The following COL5A2 variants were observed in gnomAD, a reference collection of about 807,000 sequenced individuals.
COL5A2 encodes the protein collagen alpha-2(V) chain.
Under a neutral mutation model 208.2 loss-of-function variants are expected in COL5A2, and 23 were observed. That is an observed-to-expected ratio of 0.11 (90% CI 0.08 to 0.16). The LOEUF is 0.16. Among genes scored for constraint, COL5A2 ranks in the 10% least tolerant of loss-of-function variants. The pLI, the probability that COL5A2 is intolerant of heterozygous loss-of-function variation, is 1.00. For missense variants in COL5A2, 1,590 were observed against 1,956.4 expected (o/e 0.81, Z 3.53); for synonymous variants, 625 against 628.5 (o/e 0.99, Z 0.08).
chr2:189,421,579 ACACAGGGACCAC>A, the COL5A2 span, among the ~76,000 whole-genome samples: 1 of 152,098 alleles, frequency 6.6e-6, no homozygotes, highest in East Asian at 1.9e-4. Context: ...ATGGACACTA[ACACAGGGACCAC>A]CACAGTAAAA....
At chr2:189,088,648 A>G (rs752943958) in intron 8 of COL5A2, 47 bp downstream of exon 8, 1 of 1,424,620 alleles carries the variant, frequency 7.0e-7, no homozygotes, top group South Asian at 1.1e-5. Flanking sequence ...TTTTAAAATA[A>G]TTTTTTTCAC....
intron 1 of COL5A2, among the ~76,000 whole-genome samples, chr2:189,151,670 T>C (rs1688145177): frequency 6.6e-6 from 1 of 152,146 alleles, no homozygotes; most frequent in Admixed American, 6.6e-5. Flanking sequence ...CATCTGTAAC[T>C]CTTTTTCTTA....
intron 1 of COL5A2, among the ~76,000 whole-genome samples, chr2:189,146,761 A>C (rs1453117441): frequency 6.6e-6 from 1 of 152,142 alleles, no homozygotes; most frequent in Non-Finnish European, 1.5e-5. Flanking sequence ...ATGAATCATA[A>C]AAACAAGCCA....
the COL5A2 span, among the ~76,000 whole-genome samples, chr2:189,260,140 T>TA: frequency 6.6e-6 from 1 of 152,220 alleles, no homozygotes; most frequent in African/African-American, 2.4e-5. Context: ...TGTTGTATTA[T>TA]ATTCCTCTTT....
At chr2:189,260,859 G>T in the COL5A2 span, among the ~76,000 whole-genome samples, 1 of 152,140 alleles carries the variant, frequency 6.6e-6, no homozygotes, top group East Asian at 1.9e-4. Context: ...CTGATGGACA[G>T]ACACTATTAT....
the COL5A2 span, among the ~76,000 whole-genome samples, chr2:189,324,358 T>G: frequency 3.2e-4 from 49 of 152,234 alleles, no homozygotes; most frequent in East Asian, 6.9e-3. Context: ...CAAAAGAAAC[T>G]ACCATCAGAG....
At chr2:189,240,080 G>A in the COL5A2 span, among the ~76,000 whole-genome samples, 1 of 152,168 alleles carries the variant, frequency 6.6e-6, no homozygotes, top group African/African-American at 2.4e-5. Flanking sequence ...AACAAGTCAA[G>A]TTAATGATAT....
At chr2:189,064,469 T>C in intron 25 of COL5A2, 88 bp downstream of exon 25, 2 of 928,682 alleles carry the variant, frequency 2.2e-6, no homozygotes, top group African/African-American at 1.6e-5. Flanking sequence ...AAAAACAAAC[T>C]AAATTTAAAA....
the COL5A2 span, among the ~76,000 whole-genome samples, chr2:189,280,547 A>G: frequency 6.6e-6 from 1 of 152,148 alleles, no homozygotes; most frequent in Non-Finnish European, 1.5e-5. Flanking sequence ...ATAAATCATA[A>G]AAGAACAAAG....
chr2:189,427,483 C>A, the COL5A2 span, among the ~76,000 whole-genome samples: 1 of 152,208 alleles, frequency 6.6e-6, no homozygotes, highest in Non-Finnish European at 1.5e-5. Flanking sequence ...CACACAGAAT[C>A]CCCAATGGGG....
At chr2:189,237,700 G>T in the COL5A2 span, among the ~76,000 whole-genome samples, 2 of 151,844 alleles carry the variant, frequency 1.3e-5, no homozygotes, top group Non-Finnish European at 2.9e-5. Context: ...AATTTGCAAT[G>T]ACAGACTGTA....
At chr2:189,337,175 A>ATTTTTTTTTTTTTTTT in the COL5A2 span, among the ~76,000 whole-genome samples, 1 of 141,920 alleles carries the variant, frequency 7.0e-6, no homozygotes, top group Non-Finnish European at 1.5e-5. Flanking sequence ...TTTTGACATC[A>ATTTTTTTTTTTTTTTT]TTTTTTTTTT....
intron 30 of COL5A2, among the ~76,000 whole-genome samples, chr2:189,061,153 C>T (rs1686023915): frequency 6.6e-6 from 1 of 151,816 alleles, no homozygotes; most frequent in Non-Finnish European, 1.5e-5. Flanking sequence ...TATGATCTTC[C>T]TCCTATTAAA....
intron 35 of COL5A2, among the ~76,000 whole-genome samples, chr2:189,054,828 A>G (rs1685868641): frequency 6.6e-6 from 1 of 150,926 alleles, no homozygotes; most frequent in African/African-American, 2.4e-5. Context: ...CTCCCATCTC[A>G]GACTCCAGAG....
At chr2:189,234,723 T>G in the COL5A2 span, among the ~76,000 whole-genome samples, 9 of 151,778 alleles carry the variant, frequency 5.9e-5, no homozygotes, top group Non-Finnish European at 8.8e-5. Flanking sequence ...CTTTGCAAAT[T>G]ACATAATGCA....
chr2:189,280,211 T>G, the COL5A2 span, among the ~76,000 whole-genome samples: 13 of 152,142 alleles, frequency 8.5e-5, no homozygotes, highest in Non-Finnish European at 1.6e-4. Context: ...TATGGAAGCC[T>G]AAATGAACTA....
the COL5A2 span, among the ~76,000 whole-genome samples, chr2:189,347,622 C>T: frequency 3.3e-5 from 5 of 152,012 alleles, no homozygotes; most frequent in African/African-American, 1.2e-4. Context: ...TTAAGATAGA[C>T]CAATAGTGAC....
the COL5A2 span, among the ~76,000 whole-genome samples, chr2:189,301,923 A>G: frequency 6.6e-6 from 1 of 152,108 alleles, no homozygotes; most frequent in Admixed American, 6.6e-5. Context: ...CACAAATACA[A>G]ATTTTTTTTC....
intron 19 of COL5A2, 88 bp downstream of exon 19, chr2:189,068,698 T>A: frequency 1.1e-6 from 1 of 898,736 alleles, no homozygotes; most frequent in South Asian, 1.4e-5. Flanking sequence ...ATATTATGTA[T>A]CAATTAAAAA....
Sources: gnomAD v4.1 joint callset for allele counts (sites outside exome capture counted in the v4.1 genomes callset) on GRCh38, gnomAD v4.1.1 for gene constraint, MANE v1.5 for transcripts, NCBI Gene and HGNC (gene_info 2026-07-23, HGNC 2026-07-21) for gene names.